NF1: variants seen among roughly 807,000 people sequenced by gnomAD.
NF1 encodes the protein neurofibromin 1, also known as neurofibromin.
Under a neutral mutation model 325.7 loss-of-function variants are expected in NF1, and 122 were observed. The observed-to-expected ratio is 0.37, with a 90% CI of 0.32 to 0.44. The LOEUF (loss-of-function observed/expected upper bound fraction) is 0.44, where lower values mean the gene tolerates loss of function less well. Ranked by LOEUF, NF1 falls within the 20% of genes least tolerant of loss-of-function variation. The pLI is 1.00. For missense variants in NF1, 2,140 were observed against 3,415.4 expected (o/e 0.63, Z 9.31); for synonymous variants, 1,091 against 1,186.0 (o/e 0.92, Z 1.65).
At chr17:31,165,961 G>A (rs554870900) in intron 4 of NF1, among the ~76,000 whole-genome samples, 95 of 152,224 alleles carry the variant, frequency 6.2e-4, no homozygotes, top group African/African-American at 2.2e-3. Flanking sequence ...CAAAGTGTTG[G>A]GATTACAGGA....
At chr17:31,261,128 A>G (rs963964074) in intron 34 of NF1, among the ~76,000 whole-genome samples, 4 of 152,000 alleles carry the variant, frequency 2.6e-5, no homozygotes, top group African/African-American at 9.7e-5. Flanking sequence ...CTGTAATCCC[A>G]GCTACTCGGG....
intron 13 of NF1, 71 bp from the exon 14 acceptor site, chr17:31,218,934 A>T: frequency 3.1e-6 from 4 of 1,290,852 alleles, no homozygotes; most frequent in Non-Finnish European, 4.4e-6. Context: ...GTCACTGTCT[A>T]TTTCTTCCTC....
rs876659499 is a variant in NF1 at position 31,338,144 on chromosome 17, C to A, written c.6819+5C>A. On this transcript the variant is annotated splice_donor_5th_base_variant and intron_variant, in intron 45 of 57. Transcript: ENST00000358273. ...ATAATCCGTATTCTTAGCAAGGTACCTGTTCCGCCCTCACTTCTCCCAAAT... is the reference window on the plus strand; with the variant it reads ...ATAATCCGTATTCTTAGCAAGGTACATGTTCCGCCCTCACTTCTCCCAAAT... 1 of 1,580,222 alleles carries A rather than the reference C, an allele frequency of 6.3e-7. No individual in the cohort carries two copies. The highest frequency in any genetic ancestry group is 2.2e-5 in the East Asian group (1 of 44,690).
At chr17:31,337,148 A>C (rs1422852412) in intron 42 of NF1, among the ~76,000 whole-genome samples, 1 of 152,216 alleles carries the variant, frequency 6.6e-6, no homozygotes, top group African/African-American at 2.4e-5. Context: ...CATAAGCGGA[A>C]TACTCAGTGC....
rs560803733 is a variant in NF1, at chr17:31,201,618, C to A, written c.1260+133C>A. 2.3e-5 allele frequency: 16 copies of A among 695,138 alleles called. No individual in the cohort carries two copies. In the South Asian group the frequency reaches 2.7e-4, roughly 12 times the overall value. 43.1% of individuals were successfully genotyped at this position (695,138 alleles called of 1,614,324 possible). On this transcript the variant is annotated intron_variant, in intron 11 of 57. Transcript: ENST00000358273. ...TTAGATGTATGAAATAGGAAAATTT[C>A]TCCATGGTGATTCTATTTGATAATT...
In NF1 at chr17:31,349,152, A is replaced by C; in HGVS notation, c.7222A>C (p.Arg2408=). 1 of 1,608,548 alleles carries C rather than the reference A, an allele frequency of 6.2e-7. No homozygotes were observed. Among genetic ancestry groups the C allele is most frequent in the South Asian group, 1.1e-5 (1 of 90,138 alleles). ...YRHPSPAIVA[R]TVRILHTLLT... is the part of the protein sequence containing the mutation. ...GCATCCTTCACCTGCTATTGTTGCA[A>C]GAACAGTCAGAATTTTACATACACT... The change falls in exon 49 of 58, where the codon AGA becomes CGA. Residue 2408 remains arginine (R), a synonymous_variant. Coordinates refer to ENST00000358273, the MANE Select transcript of NF1 (RefSeq NM_001042492.3).
intron 57 of NF1, 109 bp from the exon 58 acceptor site, chr17:31,373,904 A>G: frequency 7.2e-7 from 1 of 1,391,642 alleles, no homozygotes; most frequent in Non-Finnish European, 1.0e-6. Flanking sequence ...AAAATCGCCT[A>G]ATGATTGTTT....
At chr17:31,155,124 C>T (rs961866170) in intron 1 of NF1, among the ~76,000 whole-genome samples, 1 of 152,110 alleles carries the variant, frequency 6.6e-6, no homozygotes, top group African/African-American at 2.4e-5. Context: ...TTTAGTTGTA[C>T]TATGTTAAAA....
intron 8 of NF1, among the ~76,000 whole-genome samples, chr17:31,198,380 T>C (rs551595799): frequency 2.6e-5 from 4 of 152,196 alleles, no homozygotes; most frequent in African/African-American, 7.2e-5. Context: ...GTGAAAGCTA[T>C]CTGGTCCTAG....
intron 36 of NF1, among the ~76,000 whole-genome samples, chr17:31,274,622 A>G (rs1490037385): frequency 1.3e-5 from 2 of 152,176 alleles, no homozygotes; most frequent in Admixed American, 1.3e-4. Context: ...CTTGGCAACC[A>G]GAGTAGATAT....
At chr17:31,270,189 C>T (rs2067866009) in intron 36 of NF1, among the ~76,000 whole-genome samples, 1 of 152,210 alleles carries the variant, frequency 6.6e-6, no homozygotes, top group Non-Finnish European at 1.5e-5. Flanking sequence ...TAACTGTTCA[C>T]ATTGCTTATC....
intron 4 of NF1, among the ~76,000 whole-genome samples, chr17:31,165,578 A>C (rs2065831958): frequency 1.3e-5 from 2 of 152,176 alleles, no homozygotes; most frequent in Non-Finnish European, 2.9e-5. Context: ...AGTATCATGA[A>C]GATGTTTCGT....
chr17:31,179,486 G>T (rs1415612350), intron 5 of NF1, among the ~76,000 whole-genome samples: 4 of 152,188 alleles, frequency 2.6e-5, no homozygotes, highest in Non-Finnish European at 5.9e-5. Flanking sequence ...TCAAAAGCTA[G>T]CAGAGGACAA....
intron 36 of NF1, among the ~76,000 whole-genome samples, chr17:31,279,635 A>G (rs1273828563): frequency 6.6e-6 from 1 of 151,962 alleles, no homozygotes; most frequent in Non-Finnish European, 1.5e-5. Context: ...TTTTGTGAAC[A>G]ATGGATATGC....
In NF1 at chr17:31,232,673, G is replaced by A. The variant is rs371382957; in HGVS notation, c.3315-27G>A. 3.6e-5 allele frequency: 58 copies of A among 1,608,502 alleles called. No individual in the cohort carries two copies. In the African/African-American group the frequency reaches 6.8e-4, roughly 19 times the overall value. On this transcript the variant is annotated intron_variant, in intron 25 of 57. Coordinates refer to ENST00000358273, the MANE Select transcript of NF1 (RefSeq NM_001042492.3). ...TTCTAGTTGATACGGCCTTCACTAT[G>A]TAAAGGTCAGTCTTTTTATTTCTCA...
intron 36 of NF1, chr17:31,295,598 G>A: frequency 6.2e-7 from 1 of 1,614,100 alleles, no homozygotes; most frequent in Non-Finnish European, 8.5e-7. Flanking sequence ...ATGGGCTTTT[G>A]TTTCCATCAT....
At chr17:31,146,951 C>A (rs948104655) in intron 1 of NF1, among the ~76,000 whole-genome samples, 2 of 152,220 alleles carry the variant, frequency 1.3e-5, no homozygotes, top group African/African-American at 4.8e-5. Flanking sequence ...AAGGTAAGTC[C>A]TTTTTTGAAG....
chr17:31,239,240 A>G (rs2067253537), intron 29 of NF1, among the ~76,000 whole-genome samples: 1 of 152,234 alleles, frequency 6.6e-6, no homozygotes, highest in African/African-American at 2.4e-5. Flanking sequence ...GGAAATTAAG[A>G]AAGAATCAAA....
chr17:31,241,120 C>T (rs1274786650), intron 29 of NF1, among the ~76,000 whole-genome samples: 1 of 152,172 alleles, frequency 6.6e-6, no homozygotes, highest in East Asian at 1.9e-4. Flanking sequence ...TCAAGCAATC[C>T]ACCCGCCTCG....
Sources: gnomAD v4.1 joint callset for allele counts (sites outside exome capture counted in the v4.1 genomes callset) on GRCh38, gnomAD v4.1.1 for gene constraint, MANE v1.5 for transcripts, NCBI Gene and HGNC (gene_info 2026-07-23, HGNC 2026-07-21) for gene names.